Variants in BMP2K observed in about 807,000 individuals in gnomAD.
BMP2K encodes BMP-2-inducible protein kinase.
A neutral mutation model predicts 116.0 loss-of-function variants in BMP2K; 74 were observed. The observed-to-expected ratio is 0.64, with a 90% confidence interval of 0.53 to 0.77. The LOEUF (loss-of-function observed/expected upper bound fraction) is 0.77. Ranked by LOEUF, BMP2K falls within the 30% of genes least tolerant of loss-of-function variation. The probability of loss-of-function intolerance (pLI) is 0.00; values close to 1 mark genes in which losing one functional copy is unlikely to be tolerated. For missense variants in BMP2K, 1,365 were observed against 1,403.6 expected, an observed-to-expected ratio of 0.97 and a Z score of 0.44; for synonymous variants, 486 against 502.5, an observed-to-expected ratio of 0.97 and a Z score of 0.44.
chr4:78,779,061 CT>C (rs1727382115), intron 1 of BMP2K, among the ~76,000 whole-genome samples: 1 of 152,172 alleles, frequency 6.6e-6, no homozygotes, highest in African/African-American at 2.4e-5. Flanking sequence ...TCTGCAGTGT[CT>C]TTTTAATAAA....
chr4:78,890,637 T>C (rs1733384808), intron 15 of BMP2K, among the ~76,000 whole-genome samples: 1 of 152,222 alleles, frequency 6.6e-6, no homozygotes, highest in Admixed American at 6.5e-5. Context: ...TTATGTACCC[T>C]ATCATTGATT....
chr4:78,837,384 G>A (rs1053043093), intron 3 of BMP2K, among the ~76,000 whole-genome samples: 2 of 151,822 alleles, frequency 1.3e-5, no homozygotes, highest in African/African-American at 2.4e-5. Flanking sequence ...TAGTAGAGAT[G>A]GGGTTTTGCC....
intron 15 of BMP2K, among the ~76,000 whole-genome samples, chr4:78,888,578 A>G (rs944071449): frequency 2.0e-5 from 3 of 152,220 alleles, no homozygotes; most frequent in African/African-American, 7.2e-5. Flanking sequence ...AGCATCTGAA[A>G]GAACCCTGGG....
chr4:78,899,520 A>C (rs1733887284), intron 15 of BMP2K, among the ~76,000 whole-genome samples: 1 of 152,168 alleles, frequency 6.6e-6, no homozygotes, highest in South Asian at 2.1e-4. Flanking sequence ...CAGTTAGAAG[A>C]GACTAGAAGA....
rs746145828 is a variant in BMP2K at position 78,870,860 on chromosome 4, G to A, written c.1309G>A (p.Val437Ile). ...PPQQPPQQHR[V>I]LQQLQQGDWR... Reference sequence around the variant, plus strand: ...TCAGCAGCCGCCACAGCAGCATAGAGTACTCCAGCAACTACAGCAGGGAGA... The same window carrying A: ...TCAGCAGCCGCCACAGCAGCATAGAATACTCCAGCAACTACAGCAGGGAGA... Residue 437 changes from valine (V) to isoleucine (I), a missense_variant, in exon 11 of 16, where the codon GTA (valine) becomes ATA (isoleucine). This residue lies in a region of BMP2K where 762 missense variants were observed against 756.7 expected (regional missense o/e 1.01). Coordinates refer to ENST00000502613, the MANE Select transcript of BMP2K (RefSeq NM_198892.2). 1 of 1,613,744 alleles carries A rather than the reference G, an allele frequency of 6.2e-7. No individual in the cohort carries two copies. Among genetic ancestry groups the A allele is most frequent in the Non-Finnish European group, 8.5e-7 (1 of 1,179,954 alleles).
intron 7 of BMP2K, among the ~76,000 whole-genome samples, chr4:78,852,282 A>G (rs934208646): frequency 1.6e-4 from 25 of 152,242 alleles, no homozygotes; most frequent in Admixed American, 9.8e-4. Context: ...AGTGTATTAT[A>G]TGCTTCCCTT....
chr4:78,876,024 C>T (rs565107675), intron 13 of BMP2K, among the ~76,000 whole-genome samples: 2 of 152,254 alleles, frequency 1.3e-5, no homozygotes, highest in African/African-American at 4.8e-5. Flanking sequence ...TTCGGTTTCA[C>T]CCTTCGAAGG....
intron 9 of BMP2K, 118 bp downstream of exon 9, chr4:78,861,586 C>A: frequency 1.2e-6 from 1 of 845,780 alleles, no homozygotes; most frequent in Non-Finnish European, 1.9e-6. Flanking sequence ...TGTTGTGTTG[C>A]TTATTGTATG....
At chr4:78,902,356 G>T (rs1229196702) in intron 15 of BMP2K, among the ~76,000 whole-genome samples, 1 of 152,020 alleles carries the variant, frequency 6.6e-6, no homozygotes, top group Non-Finnish European at 1.5e-5. Context: ...TTTTCATCTG[G>T]CTGGGAAATA....
chr4:78,838,966 G>A (rs1339575952), intron 3 of BMP2K, among the ~76,000 whole-genome samples: 1 of 152,070 alleles, frequency 6.6e-6, no homozygotes, highest in Non-Finnish European at 1.5e-5. Flanking sequence ...ATTATTGTAT[G>A]AATAATTTGT....
intron 15 of BMP2K, among the ~76,000 whole-genome samples, chr4:78,904,788 A>G (rs2110100328): frequency 6.6e-6 from 1 of 152,048 alleles, no homozygotes; most frequent in South Asian, 2.1e-4. Context: ...TTCTACTTGA[A>G]ATGGCTTAAT....
At chr4:78,890,461 A>G (rs1733374359) in intron 15 of BMP2K, among the ~76,000 whole-genome samples, 1 of 152,066 alleles carries the variant, frequency 6.6e-6, no homozygotes, top group Non-Finnish European at 1.5e-5. Context: ...TGTTTTTGAC[A>G]CAGTTTTTGG....
intron 2 of BMP2K, among the ~76,000 whole-genome samples, chr4:78,827,299 G>A (rs1417268414): frequency 1.3e-5 from 2 of 151,588 alleles, no homozygotes; most frequent in African/African-American, 4.9e-5. Flanking sequence ...AGCAAAGCCC[G>A]GTCCAGAGTC....
At chr4:78,837,993 C>T (rs988850680) in intron 3 of BMP2K, among the ~76,000 whole-genome samples, 51 of 151,972 alleles carry the variant, frequency 3.4e-4, no homozygotes, top group African/African-American at 1.2e-3. Flanking sequence ...TCCATTTTCA[C>T]GCTGCTGATA....
intron 2 of BMP2K, among the ~76,000 whole-genome samples, chr4:78,831,470 T>A (rs1254391295): frequency 8.5e-5 from 13 of 152,352 alleles, no homozygotes; most frequent in Non-Finnish European, 1.5e-5. Flanking sequence ...TACCACTTTT[T>A]AAAAATGTAG....
At chr4:78,893,866 T>G (rs531642134) in intron 15 of BMP2K, among the ~76,000 whole-genome samples, 75 of 152,298 alleles carry the variant, frequency 4.9e-4, no homozygotes, top group Non-Finnish European at 9.6e-4. Context: ...GCCCAGCTAA[T>G]AAGACTTGAA....
At chr4:78,791,866 A>G (rs1214875720) in intron 1 of BMP2K, among the ~76,000 whole-genome samples, 1 of 152,154 alleles carries the variant, frequency 6.6e-6, no homozygotes, top group Non-Finnish European at 1.5e-5. Context: ...GATTGTTTCT[A>G]CCTTTTGGCT....
At chr4:78,908,837 T>G (rs1226789807) in intron 15 of BMP2K, among the ~76,000 whole-genome samples, 1 of 152,144 alleles carries the variant, frequency 6.6e-6, no homozygotes, top group African/African-American at 2.4e-5. Context: ...AGGTATACAG[T>G]GCATAATAAT....
At chr4:78,901,082 G>C (rs1367303436) in intron 15 of BMP2K, among the ~76,000 whole-genome samples, 2 of 152,038 alleles carry the variant, frequency 1.3e-5, no homozygotes, top group East Asian at 3.9e-4. Context: ...TTGCTCTGTT[G>C]CCCAGGCTGG....
Sources: gnomAD v4.1 joint callset for allele counts (sites outside exome capture counted in the v4.1 genomes callset) on GRCh38, gnomAD v4.1.1 for gene constraint, gnomAD v4.1.1 regional missense constraint, MANE v1.5 for transcripts, NCBI Gene and HGNC (gene_info 2026-07-23, HGNC 2026-07-21) for gene names.